The following GLYATL2 variants were observed in gnomAD, a reference collection of about 807,000 sequenced individuals.
The protein encoded by GLYATL2 is glycine N-acyltransferase-like protein 2.
Under a neutral mutation model 21.4 loss-of-function variants are expected in GLYATL2, and 25 were observed. The observed-to-expected ratio is 1.17, with a 90% CI of 0.85 to 1.63. GLYATL2 has a LOEUF of 1.63. GLYATL2 is among the 40% of genes most tolerant of loss of function. GLYATL2 has a pLI of 0.00. For missense variants in GLYATL2, 361 were observed against 343.3 expected, an observed-to-expected ratio of 1.05 and a Z score of -0.41; for synonymous variants, 114 against 118.2, an observed-to-expected ratio of 0.96 and a Z score of 0.23.
chr11:58,906,360 CT>C, upstream of GLYATL2, among the ~76,000 whole-genome samples: 1 of 152,296 alleles, frequency 6.6e-6, no homozygotes, highest in East Asian at 1.9e-4. Flanking sequence ...GGATCCTTTC[CT>C]TCCCTGGTGC....
At chr11:58,904,546 A>G (rs1854811937), upstream of GLYATL2, among the ~76,000 whole-genome samples, 1 of 152,220 alleles carries the variant, frequency 6.6e-6, no homozygotes, top group African/African-American at 2.4e-5. Context: ...AAAGAAGATC[A>G]AGTCTCCTTG....
At chr11:58,862,003 T>G (rs1258980294) in intron 1 of GLYATL2, among the ~76,000 whole-genome samples, 1 of 152,144 alleles carries the variant, frequency 6.6e-6, no homozygotes, top group Admixed American at 6.5e-5. Context: ...CCCTCAATTT[T>G]TGTTTGCCTG....
chr11:58,889,406 T>G (rs1459606999), intron 1 of GLYATL2, among the ~76,000 whole-genome samples: 1 of 152,036 alleles, frequency 6.6e-6, no homozygotes, highest in Non-Finnish European at 1.5e-5. Flanking sequence ...TATTGCATAA[T>G]GTACAACCTA....
At chr11:58,840,771 G>C (rs1034927311) in intron 1 of GLYATL2, 2 of 151,642 alleles carry the variant, frequency 1.3e-5, no homozygotes, top group Non-Finnish European at 2.9e-5. Context: ...CCAAGGAAGA[G>C]GAGGTTGCAG....
upstream of GLYATL2, among the ~76,000 whole-genome samples, chr11:58,844,991 T>C (rs1453140538): frequency 6.6e-6 from 1 of 152,146 alleles, no homozygotes; most frequent in Non-Finnish European, 1.5e-5. Flanking sequence ...TCTGGTTGTC[T>C]AAAGTGGAGC....
intron 1 of GLYATL2, among the ~76,000 whole-genome samples, chr11:58,900,684 A>C (rs1041578803): frequency 2.0e-5 from 3 of 152,202 alleles, no homozygotes; most frequent in African/African-American, 7.2e-5. Context: ...CTATGAGCCG[A>C]AGCAACCTTG....
At chr11:58,872,664 A>G (rs1247113695) in intron 1 of GLYATL2, among the ~76,000 whole-genome samples, 1 of 152,204 alleles carries the variant, frequency 6.6e-6, no homozygotes, top group Non-Finnish European at 1.5e-5. Context: ...TGGTGCCAGC[A>G]CCGTGCTGTT....
At chr11:58,872,695 G>A (rs1203159772) in intron 1 of GLYATL2, among the ~76,000 whole-genome samples, 1 of 152,234 alleles carries the variant, frequency 6.6e-6, no homozygotes, top group Admixed American at 6.5e-5. Context: ...TAGCCTTGTA[G>A]TATAGTTTGA....
chr11:58,876,358 G>A (rs1470189114), intron 1 of GLYATL2, among the ~76,000 whole-genome samples: 1 of 152,212 alleles, frequency 6.6e-6, no homozygotes, highest in Non-Finnish European at 1.5e-5. Context: ...TGGAGGAGGA[G>A]AGTCACTCTG....
chr11:58,863,528 G>C (rs587953), intron 1 of GLYATL2, among the ~76,000 whole-genome samples: 134,867 of 152,044 alleles, frequency 0.89, 60,979 homozygotes, highest in Non-Finnish European at 0.98. Context: ...AGCACAGCTG[G>C]ACCCTGAGTT....
intron 1 of GLYATL2, among the ~76,000 whole-genome samples, chr11:58,901,859 C>A (rs2134630517): frequency 6.6e-6 from 1 of 152,236 alleles, no homozygotes; most frequent in African/African-American, 2.4e-5. Context: ...ATCACTCTAC[C>A]CCCCATTCAT....
At chr11:58,870,021 T>A (rs913361416) in intron 1 of GLYATL2, among the ~76,000 whole-genome samples, 9 of 152,032 alleles carry the variant, frequency 5.9e-5, no homozygotes, top group African/African-American at 2.2e-4. Flanking sequence ...GGTGGGAAGA[T>A]TGCTTGAGCC....
chr11:58,885,835 AG>A (rs1297540650), intron 1 of GLYATL2, among the ~76,000 whole-genome samples: 48 of 152,258 alleles, frequency 3.2e-4, no homozygotes, highest in Middle Eastern at 3.4e-3. Context: ...GGCTGAAAGG[AG>A]GCCAATTTAC....
At chr11:58,865,599 CAT>C (rs1854009939) in intron 1 of GLYATL2, among the ~76,000 whole-genome samples, 1 of 149,078 alleles carries the variant, frequency 6.7e-6, no homozygotes, top group African/African-American at 2.4e-5. Flanking sequence ...CATATGCAAT[CAT>C]GTGTCCAGTT....
intron 1 of GLYATL2, among the ~76,000 whole-genome samples, chr11:58,893,924 G>A (rs760727179): frequency 5.9e-5 from 9 of 152,130 alleles, no homozygotes; most frequent in Non-Finnish European, 8.8e-5. Context: ...AATGGAATCA[G>A]CCTCTTATTT....
chr11:58,873,832 T>C (rs1188056638), intron 1 of GLYATL2, among the ~76,000 whole-genome samples: 1 of 152,238 alleles, frequency 6.6e-6, no homozygotes, highest in Non-Finnish European at 1.5e-5. Flanking sequence ...TCTGTTTTTT[T>C]ATTGATTGGA....
intron 1 of GLYATL2, among the ~76,000 whole-genome samples, chr11:58,852,665 G>A (rs181950813): frequency 9.2e-5 from 14 of 152,334 alleles, no homozygotes; most frequent in Non-Finnish European, 1.6e-4. Flanking sequence ...GCTCTCAAGT[G>A]AGATGTACAG....
chr11:58,839,016 G>GTA (rs1439920726), intron 2 of GLYATL2, among the ~76,000 whole-genome samples: 1 of 152,174 alleles, frequency 6.6e-6, no homozygotes, highest in Non-Finnish European at 1.5e-5. Context: ...ATGATTAAGA[G>GTA]TATGGCAGAT....
At chr11:58,860,528 G>A (rs537643902) in intron 1 of GLYATL2, among the ~76,000 whole-genome samples, 1 of 152,106 alleles carries the variant, frequency 6.6e-6, no homozygotes, top group South Asian at 2.1e-4. Flanking sequence ...TTATATGTAG[G>A]ACCATGCTAT....
Sources: allele counts gnomAD v4.1 joint callset (sites outside exome capture counted in the v4.1 genomes callset), GRCh38; gene constraint gnomAD v4.1.1; transcripts MANE v1.5; gene names NCBI Gene and HGNC (gene_info 2026-07-23, HGNC 2026-07-21).